Variants in NIPBL observed in about 807,000 individuals in gnomAD.
NIPBL encodes nipped-B-like protein.
Under a neutral mutation model 321.8 loss-of-function variants are expected in NIPBL, and 19 were observed. The ratio of observed to expected loss-of-function variants is 0.06; its 90% CI spans 0.04 to 0.09. The LOEUF is 0.09. Ranked by LOEUF, NIPBL falls within the 10% of genes least tolerant of loss-of-function variation. The pLI, the probability that NIPBL is intolerant of heterozygous loss-of-function variation, is 1.00. For synonymous variants in NIPBL, 1,106 were observed against 1,114.1 expected (o/e 0.99, Z 0.14); for missense variants, 2,210 against 3,327.0 (o/e 0.66, Z 8.26).
intron 38 of NIPBL, 147 bp downstream of exon 38, chr5:37,046,346 A>C: frequency 1.7e-6 from 1 of 604,150 alleles, no homozygotes. Context: ...TGAGGATTAA[A>C]ACAACTGGGT....
At chr5:36,980,062 C>T (rs559588085) in intron 9 of NIPBL, among the ~76,000 whole-genome samples, 1 of 151,572 alleles carries the variant, frequency 6.6e-6, no homozygotes, top group Non-Finnish European at 1.5e-5. Flanking sequence ...TCCAAAGTTT[C>T]TACTTATAAA....
intron 44 of NIPBL, among the ~76,000 whole-genome samples, chr5:37,059,611 A>G (rs1393175088): frequency 1.3e-5 from 2 of 152,202 alleles, no homozygotes; most frequent in Non-Finnish European, 2.9e-5. Flanking sequence ...ATTGCTGGAT[A>G]GTATTCTATT....
intron 1 of NIPBL, among the ~76,000 whole-genome samples, chr5:36,906,340 T>A (rs1433398097): frequency 6.6e-6 from 1 of 152,182 alleles, no homozygotes; most frequent in Admixed American, 6.5e-5. Flanking sequence ...ACGAATAATA[T>A]TATGATTATT....
At chr5:37,035,435 C>G (rs569246116) in intron 32 of NIPBL, among the ~76,000 whole-genome samples, 2 of 152,210 alleles carry the variant, frequency 1.3e-5, no homozygotes, top group South Asian at 4.1e-4. Context: ...TTATGTTACT[C>G]TGGTTGCTGT....
chr5:36,909,880 A>G (rs1747915168), intron 1 of NIPBL, among the ~76,000 whole-genome samples: 1 of 152,166 alleles, frequency 6.6e-6, no homozygotes, highest in African/African-American at 2.4e-5. Context: ...GATCGAGACT[A>G]TCCTGGCCAA....
chr5:36,973,266 A>G (rs186157396), intron 8 of NIPBL, among the ~76,000 whole-genome samples: 35 of 152,036 alleles, frequency 2.3e-4, no homozygotes, highest in Non-Finnish European at 4.4e-4. Context: ...TCTGCTTCAT[A>G]TGGTAAAGAT....
chr5:36,961,208 T>A lies in NIPBL; in HGVS notation c.359-276T>A, dbSNP rs554495414. On this transcript the variant is annotated intron_variant, in intron 4 of 46. Coordinates refer to ENST00000282516, the MANE Select transcript of NIPBL (RefSeq NM_133433.4). ...ACTTTTAAAAAAATCTTTTCAATTC[T>A]AAGGCTAAATAATAGAATATTGAGT... 3.3e-5 allele frequency among the ~76,000 whole-genome samples: 5 copies of A among 152,320 alleles called. No individual in the cohort carries two copies. The South Asian group carries it at 1.0e-3, about 32-fold the overall frequency.
chr5:37,015,209 C>T (rs553212520), intron 22 of NIPBL, among the ~76,000 whole-genome samples: 65 of 152,016 alleles, frequency 4.3e-4, no homozygotes, highest in African/African-American at 1.4e-3. Context: ...CTGCAACCTC[C>T]GCCTCCCAGC....
intron 29 of NIPBL, among the ~76,000 whole-genome samples, chr5:37,023,750 CT>C (rs779595045): frequency 9.4e-3 from 715 of 75,890 alleles, no homozygotes; most frequent in Middle Eastern, 0.047. Flanking sequence ...TTTTCTTATT[CT>C]TTTTTTTTTT....
chr5:37,038,314 C>T (rs1469793207), intron 33 of NIPBL, among the ~76,000 whole-genome samples: 1 of 152,050 alleles, frequency 6.6e-6, no homozygotes, highest in Non-Finnish European at 1.5e-5. Flanking sequence ...AAAACCAATA[C>T]GACATTTATT....
At chr5:36,891,272 A>G (rs1218808657) in intron 1 of NIPBL, among the ~76,000 whole-genome samples, 2 of 152,132 alleles carry the variant, frequency 1.3e-5, no homozygotes, top group Non-Finnish European at 2.9e-5. Flanking sequence ...TCAAAAAACA[A>G]AAAAAGAAAA....
At chr5:36,971,170 G>A (rs747114714) in intron 7 of NIPBL, 134 bp downstream of exon 7, 159 of 749,812 alleles carry the variant, frequency 2.1e-4, no homozygotes, top group Middle Eastern at 7.0e-4. Flanking sequence ...CATGGCTCCT[G>A]CACATACAGA....
chr5:36,988,689 G>C (rs1407773846), intron 10 of NIPBL, among the ~76,000 whole-genome samples: 1 of 152,006 alleles, frequency 6.6e-6, no homozygotes, highest in Non-Finnish European at 1.5e-5. Context: ...ACATTTTGAT[G>C]TGTTGATGAT....
chr5:37,003,576 A>G (rs947729591), intron 16 of NIPBL, among the ~76,000 whole-genome samples: 5 of 152,162 alleles, frequency 3.3e-5, no homozygotes, highest in African/African-American at 9.7e-5. Context: ...GTATGTATGT[A>G]TAGGAAAAAA....
At chr5:37,033,793 C>G (rs985298176) in intron 32 of NIPBL, among the ~76,000 whole-genome samples, 27 of 135,396 alleles carry the variant, frequency 2.0e-4, no homozygotes, top group African/African-American at 7.3e-4. Flanking sequence ...GACTCAAACT[C>G]CTAGGCTCAA....
Position 36,973,323 on chromosome 5 carries a change from C to CT in NIPBL, c.868+1293dup, listed in dbSNP as rs1031709385. Among the ~76,000 whole-genome samples the CT allele has an allele frequency of 5.7e-4, 75 of 130,958 alleles. 1 individual carries two copies. Among genetic ancestry groups the CT allele is most frequent in the South Asian group, 1.8e-3 (7 of 3,900 alleles). The allele number at this position is 130,958 out of a possible 152,430, so 85.9% of individuals were successfully genotyped here. ...CGTACTATTTATCAAGGACATTTTTCTTTTTTTTTTTCAAAAATTTTTTAA... is the reference window on the plus strand; with the variant it reads ...CGTACTATTTATCAAGGACATTTTTCTTTTTTTTTTTTCAAAAATTTTTTAA... On this transcript the variant is annotated intron_variant, in intron 8 of 46. Transcript: ENST00000282516.
intron 1 of NIPBL, among the ~76,000 whole-genome samples, chr5:36,946,313 G>A (rs779115744): frequency 1.1e-4 from 16 of 151,612 alleles, no homozygotes; most frequent in Non-Finnish European, 1.5e-4. Context: ...TGCCCAACAG[G>A]CTGGGCTGCA....
At chr5:36,995,266 G>GTGT in intron 10 of NIPBL, 1 of 198,894 alleles carries the variant, frequency 5.0e-6, no homozygotes, top group Non-Finnish European at 1.0e-5. Context: ...AGAATGTCAA[G>GTGT]TGTACCTCTT....
intron 29 of NIPBL, 113 bp downstream of exon 29, chr5:37,022,503 T>C (rs1580500708): frequency 6.3e-6 from 6 of 959,268 alleles, no homozygotes; most frequent in African/African-American, 4.9e-5. Context: ...TATATTTATA[T>C]TGTCAAATTT....
Sources: gnomAD v4.1 joint callset for allele counts (sites outside exome capture counted in the v4.1 genomes callset) on GRCh38, gnomAD v4.1.1 for gene constraint, MANE v1.5 for transcripts, NCBI Gene and HGNC (gene_info 2026-07-23, HGNC 2026-07-21) for gene names.